The following IL1RL2 variants were observed in gnomAD, a reference collection of about 807,000 sequenced individuals.
IL1RL2 encodes interleukin 1 receptor like 2, also known as interleukin-1 receptor-like 2.
In IL1RL2, 68 loss-of-function variants were observed where a neutral mutation model predicts 66.8. The observed-to-expected ratio is 1.02, with a 90% CI of 0.84 to 1.25. The LOEUF (loss-of-function observed/expected upper bound fraction) is 1.25. Ranked by LOEUF, IL1RL2 falls within the 50% of genes most tolerant of loss-of-function variation. The pLI is 0.00. For synonymous variants in IL1RL2, 305 were observed against 264.6 expected (o/e 1.15, Z -1.48); for missense variants, 729 against 709.3 (o/e 1.03, Z -0.32).
intron 5 of IL1RL2, among the ~76,000 whole-genome samples, chr2:102,211,176 T>G (rs879260270): frequency 2.0e-5 from 3 of 152,232 alleles, no homozygotes; most frequent in Admixed American, 2.0e-4. Context: ...ATTGCCATCA[T>G]AAAAGATATG....
chr2:102,230,440 C>T (rs938698867), intron 9 of IL1RL2, among the ~76,000 whole-genome samples: 1 of 152,338 alleles, frequency 6.6e-6, no homozygotes, highest in African/African-American at 2.4e-5. Context: ...TTAGTTATCC[C>T]TTTTGTACCT....
In IL1RL2 at chr2:102,226,157, G is replaced by A. The variant is rs929517296; in HGVS notation, c.1135+116G>A. On this transcript the variant is annotated intron_variant, in intron 9 of 11. Coordinates refer to ENST00000264257, the MANE Select transcript of IL1RL2 (RefSeq NM_003854.4). ...TACGTTGTTGGCAAATTTAGGGAAA[G>A]GAATCTCCTTGGAACTGCCTGTGCT... 10 of 814,814 alleles carry A rather than the reference G, an allele frequency of 1.2e-5. No individual in the cohort carries two copies. The African/African-American group carries it at 1.3e-4, about 10-fold the overall frequency. 50.5% of individuals were successfully genotyped at this position (814,814 alleles called of 1,614,324 possible).
intron 4 of IL1RL2, among the ~76,000 whole-genome samples, chr2:102,196,069 T>C (rs1273882346): frequency 1.3e-5 from 2 of 152,148 alleles, no homozygotes; most frequent in African/African-American, 4.8e-5. Context: ...GTATAAGTCC[T>C]CTGCTTTTCC....
chr2:102,189,126 C>A lies in IL1RL2; in HGVS notation c.109C>A (p.Pro37Thr), dbSNP rs1280102786. Reference protein sequence around the residue: ...MKNEILSASQPFAFNCTFPPI... With the variant: ...MKNEILSASQTFAFNCTFPPI... The stretch of plus-strand genomic sequence containing the variant: ...AAATGAGATACTTTCAGCAAGCCAG[C>A]CTTTTGCTTTTAATTGTACATTCCC... The change falls in exon 3 of 12, where the codon CCT becomes ACT. Residue 37 changes from proline (P) to threonine (T), a missense_variant. Pro to Thr is a conservative substitution (Grantham distance 38). Coordinates refer to ENST00000264257, the MANE Select transcript of IL1RL2 (RefSeq NM_003854.4). 3.7e-6 allele frequency: 6 copies of A among 1,613,950 alleles called. No individual in the cohort carries two copies. The highest frequency in any genetic ancestry group is 5.1e-6 in the Non-Finnish European group (6 of 1,179,978).
intron 3 of IL1RL2, among the ~76,000 whole-genome samples, chr2:102,190,671 C>G (rs1371326742): frequency 6.6e-6 from 1 of 152,178 alleles, no homozygotes; most frequent in Non-Finnish European, 1.5e-5. Context: ...GCTAATAAAC[C>G]GCTCAGGGCA....
At chr2:102,214,363 C>T (rs1689426681) in intron 6 of IL1RL2, among the ~76,000 whole-genome samples, 1 of 152,180 alleles carries the variant, frequency 6.6e-6, no homozygotes, top group East Asian at 1.9e-4. Context: ...ACAAAATAAA[C>T]ATTCAAAGCT....
chr2:102,209,365 G>A (rs183608430), intron 5 of IL1RL2, among the ~76,000 whole-genome samples: 2 of 152,318 alleles, frequency 1.3e-5, no homozygotes, highest in East Asian at 3.9e-4. Context: ...TCCGTGGGTG[G>A]CACGCAAATG....
chr2:102,232,996 C>A lies in IL1RL2; in HGVS notation c.1169C>A (p.Pro390His). ...GKLYDAYVLY[P>H]KPHKESQRHA... The stretch of plus-strand genomic sequence containing the variant: ...CTGTATGACGCCTATGTCTTATACC[C>A]CAAGCCCCACAAGGAAAGCCAGAGG... The change falls in exon 10 of 12, where the codon CCC becomes CAC. Residue 390 changes from proline (P) to histidine (H), a missense_variant. Physicochemically the swap from Pro to His is moderately conservative, Grantham distance 77. Coordinates refer to ENST00000264257, the MANE Select transcript of IL1RL2 (RefSeq NM_003854.4). The A allele has an allele frequency of 6.2e-7, 1 of 1,614,096 alleles. No homozygotes were observed. Among genetic ancestry groups the A allele is most frequent in the South Asian group, 1.1e-5 (1 of 91,084 alleles).
intron 4 of IL1RL2, among the ~76,000 whole-genome samples, chr2:102,193,660 G>A (rs1687423156): frequency 6.6e-6 from 1 of 152,208 alleles, no homozygotes; most frequent in Admixed American, 6.5e-5. Context: ...CTCACCAGGA[G>A]TATTCTAGAT....
At chr2:102,227,122 C>G (rs899584834) in intron 9 of IL1RL2, among the ~76,000 whole-genome samples, 1 of 152,196 alleles carries the variant, frequency 6.6e-6, no homozygotes, top group Non-Finnish European at 1.5e-5. Flanking sequence ...CAGATACAAT[C>G]TATTAAGGCC....
chr2:102,227,456 G>A (rs1399831994), intron 9 of IL1RL2, among the ~76,000 whole-genome samples: 1 of 152,194 alleles, frequency 6.6e-6, no homozygotes, highest in African/African-American at 2.4e-5. Context: ...TAGCAACCCT[G>A]AGCAATGTAG....
At chr2:102,198,475 G>A (rs1226338688) in intron 4 of IL1RL2, among the ~76,000 whole-genome samples, 1 of 152,042 alleles carries the variant, frequency 6.6e-6, no homozygotes, top group Non-Finnish European at 1.5e-5. Flanking sequence ...CAGTGGTTTT[G>A]GGTCCCTATC....
At chr2:102,203,229 A>G (rs974429831) in intron 5 of IL1RL2, among the ~76,000 whole-genome samples, 1 of 152,168 alleles carries the variant, frequency 6.6e-6, no homozygotes, top group African/African-American at 2.4e-5. Context: ...GATGAATCCC[A>G]TTTGGTCATG....
rs375827034 is a variant in IL1RL2, at chr2:102,216,079, C to G, written c.725-2874C>G. ...CTAAATGCCTGAAAAGGAAGGAATCCAAAATAATGATCTTAAGGAAACCCA... is the reference window on the plus strand; with the variant it reads ...CTAAATGCCTGAAAAGGAAGGAATCGAAAATAATGATCTTAAGGAAACCCA... On this transcript the variant is annotated intron_variant, in intron 6 of 11. Transcript: ENST00000264257. Among the ~76,000 whole-genome samples the G allele has an allele frequency of 1.5e-4, 23 of 152,070 alleles. No homozygotes were observed. In the South Asian group the frequency reaches 4.8e-3, roughly 32 times the overall value.
intron 4 of IL1RL2, among the ~76,000 whole-genome samples, chr2:102,192,794 C>G (rs1327143077): frequency 6.6e-6 from 1 of 152,188 alleles, no homozygotes; most frequent in Non-Finnish European, 1.5e-5. Context: ...GCACACCCCT[C>G]TGGGTCATGA....
intron 4 of IL1RL2, among the ~76,000 whole-genome samples, chr2:102,192,628 G>A (rs973835222): frequency 5.9e-5 from 9 of 152,092 alleles, no homozygotes; most frequent in African/African-American, 1.9e-4. Flanking sequence ...CCTTTTTTAC[G>A]CTCATCTTTC....
chr2:102,236,862 C>T (rs1348019599), intron 11 of IL1RL2, among the ~76,000 whole-genome samples: 1 of 152,108 alleles, frequency 6.6e-6, no homozygotes, highest in African/African-American at 2.4e-5. Flanking sequence ...TGATACTTTT[C>T]AATAAAAAGA....
At chr2:102,226,344 C>T (rs1269075876) in intron 9 of IL1RL2, among the ~76,000 whole-genome samples, 1 of 152,208 alleles carries the variant, frequency 6.6e-6, no homozygotes, top group Non-Finnish European at 1.5e-5. Flanking sequence ...CCTCCGTCCA[C>T]TGCGGGAAAG....
chr2:102,195,607 TTCTTTCTTTCTTTCTTTCTTTC>T (rs1687646066), intron 4 of IL1RL2, among the ~76,000 whole-genome samples: 1 of 17,588 alleles, frequency 5.7e-5, no homozygotes, highest in African/African-American at 1.5e-4. Flanking sequence ...CTTTCTTTCT[TTCTTTCTTTCTTTCTTTCTTTC>T]TCTCTCTCTC....
Sources: gnomAD v4.1 joint callset for allele counts (sites outside exome capture counted in the v4.1 genomes callset) on GRCh38, gnomAD v4.1.1 for gene constraint, MANE v1.5 for transcripts, NCBI Gene and HGNC (gene_info 2026-07-23, HGNC 2026-07-21) for gene names.